Variants in AGAP1 observed in about 807,000 individuals in gnomAD.
AGAP1 encodes the protein arf-GAP with GTPase, ANK repeat and PH domain-containing protein 1.
Under a neutral mutation model 105.3 loss-of-function variants are expected in AGAP1, and 29 were observed. The ratio of observed to expected loss-of-function variants is 0.28; its 90% CI spans 0.21 to 0.38. The LOEUF (loss-of-function observed/expected upper bound fraction) is 0.38, where lower values mean the gene tolerates loss of function less well. Among genes scored for constraint, AGAP1 ranks in the 10% least tolerant of loss-of-function variants. The pLI is 1.00. For missense variants in AGAP1, 998 were observed against 1,165.1 expected (o/e 0.86, Z 2.09); for synonymous variants, 509 against 485.9 (o/e 1.05, Z -0.63).
Position 235,599,043 on chromosome 2 carries a change from C to T in AGAP1, c.163+104194C>T, listed in dbSNP as rs1452867551. ...GTACACAGATGAGCTCACTGCTGTC[C>T]TCGGAGCAGGTAGGAATGTATTTAT... On this transcript the variant is annotated intron_variant, in intron 1 of 17. Transcript: ENST00000304032. The surrounding 1 kb of genome is among the most constrained non-coding windows in gnomAD (Gnocchi z 5.3). Among the ~76,000 whole-genome samples, 1 of 152,108 alleles carries T rather than the reference C, an allele frequency of 6.6e-6. No homozygotes were observed. The highest frequency in any genetic ancestry group is 6.6e-5 in the Admixed American group (1 of 15,264).
At chr2:236,098,611 CTT>C (rs1415524916) in intron 16 of AGAP1, among the ~76,000 whole-genome samples, 1 of 80,680 alleles carries the variant, frequency 1.2e-5, no homozygotes, top group African/African-American at 6.8e-5. Context: ...TTGATGAAAT[CTT>C]TTTTTCCTTT....
intron 1 of AGAP1, among the ~76,000 whole-genome samples, chr2:235,546,544 C>G (rs897505086): frequency 2.6e-5 from 4 of 152,060 alleles, no homozygotes; most frequent in African/African-American, 9.7e-5. Flanking sequence ...AGGCTGTGGC[C>G]CTTCCAAGGT....
At chr2:235,634,931 A>G (rs1490933434) in intron 1 of AGAP1, among the ~76,000 whole-genome samples, 1 of 152,068 alleles carries the variant, frequency 6.6e-6, no homozygotes, top group African/African-American at 2.4e-5. Context: ...TGGAGCAGAC[A>G]GTGCCTGGTC....
chr2:235,634,653 C>T (rs72988940), intron 1 of AGAP1, among the ~76,000 whole-genome samples: 48,029 of 152,028 alleles, frequency 0.32, 7,728 homozygotes, highest in South Asian at 0.48. Flanking sequence ...TAAGTTCTTC[C>T]TCCACATTCC....
rs770330488 is a variant in AGAP1, at chr2:235,960,642, C to T, written c.1484-7820C>T. ...TCAGGTAGCAGGGCCCAAGAAAAATCGTCTTTTATGGAAGGCATCAAGCAA... is the reference window on the plus strand; with the variant it reads ...TCAGGTAGCAGGGCCCAAGAAAAATTGTCTTTTATGGAAGGCATCAAGCAA... On this transcript the variant is annotated intron_variant, in intron 12 of 17. Coordinates refer to ENST00000304032, the MANE Select transcript of AGAP1 (RefSeq NM_001037131.3). This position sits in a 1 kb window ranked among gnomAD's most constrained non-coding sequence, Gnocchi z 4.9. 2.6e-5 allele frequency among the ~76,000 whole-genome samples: 4 copies of T among 152,312 alleles called. No individual in the cohort carries two copies. The highest frequency in any genetic ancestry group is 4.4e-5 in the Non-Finnish European group (3 of 68,020).
rs1196531321 is a variant in AGAP1, at chr2:235,963,961, G to A, written c.1484-4501G>A. Among the ~76,000 whole-genome samples, 6 of 152,062 alleles carry A rather than the reference G, an allele frequency of 3.9e-5. No individual in the cohort carries two copies. Among genetic ancestry groups the A allele is most frequent in the Admixed American group, 1.3e-4 (2 of 15,268 alleles). On this transcript the variant is annotated intron_variant, in intron 12 of 17. Transcript: ENST00000304032. The surrounding 1 kb of genome is among the most constrained non-coding windows in gnomAD (Gnocchi z 5.1). ...GCGGTGTACACTCATAAAAACAACC[G>A]CTGGATAACGGAAGAGAGTTTATGA... is the stretch of plus-strand genomic sequence containing the variant.
chr2:236,069,925 ACAT>A (rs2058453548), intron 16 of AGAP1, among the ~76,000 whole-genome samples: 1 of 152,246 alleles, frequency 6.6e-6, no homozygotes, highest in African/African-American at 2.4e-5. Context: ...GCTATCTATG[ACAT>A]CAGAGCCGTA....
At chr2:236,097,561 T>A (rs891706951) in intron 16 of AGAP1, among the ~76,000 whole-genome samples, 3 of 151,692 alleles carry the variant, frequency 2.0e-5, no homozygotes, top group Non-Finnish European at 4.4e-5. Flanking sequence ...CCCAGCTAAG[T>A]TTTTGTATTT....
At position 235,612,918 on chromosome 2, in the gene AGAP1, C is replaced by CT. The variant is rs1320709775; in HGVS notation, c.164-96260dup. On this transcript the variant is annotated intron_variant, in intron 1 of 17. Coordinates refer to ENST00000304032, the MANE Select transcript of AGAP1 (RefSeq NM_001037131.3). This position sits in a 1 kb window ranked among gnomAD's most constrained non-coding sequence, Gnocchi z 4.3. ...TTTATCTCTCCAATGTGAGGCATCT[C>CT]TGATGATGCCTAAGGATGTCCTTCT... Among the ~76,000 whole-genome samples, 2 of 152,154 alleles carry CT rather than the reference C, an allele frequency of 1.3e-5. No individual in the cohort carries two copies. Among genetic ancestry groups the CT allele is most frequent in the Non-Finnish European group, 2.9e-5 (2 of 68,024 alleles).
chr2:236,024,652 A>G (rs1019127954), intron 13 of AGAP1, among the ~76,000 whole-genome samples: 2 of 152,224 alleles, frequency 1.3e-5, no homozygotes, highest in African/African-American at 2.4e-5. Context: ...CTTTAAGAAA[A>G]AAAAAGTTTG....
At chr2:235,827,854 C>T (rs1959156860) in intron 9 of AGAP1, among the ~76,000 whole-genome samples, 1 of 152,186 alleles carries the variant, frequency 6.6e-6, no homozygotes, top group African/African-American at 2.4e-5. Flanking sequence ...ATGCTTTGCG[C>T]CTGCTGGGAT....
At position 235,811,376 on chromosome 2, in the gene AGAP1, C is replaced by T. The variant is rs6734325; in HGVS notation, c.1050+4045C>T. On this transcript the variant is annotated intron_variant, in intron 9 of 17. Transcript: ENST00000304032. ...GAAAATCATGCTCAGTTTATCTCATCGTGCTTACGCAATTGAAAGCGTATC... is the reference window on the plus strand; with the variant it reads ...GAAAATCATGCTCAGTTTATCTCATTGTGCTTACGCAATTGAAAGCGTATC... Among the ~76,000 whole-genome samples the T allele has an allele frequency of 5.4e-3, 823 of 152,354 alleles. 8 individuals are homozygous for T. Among genetic ancestry groups the T allele is most frequent in the African/African-American group, 0.019 (772 of 41,582 alleles).
At chr2:236,086,103 T>C (rs2058921810) in intron 16 of AGAP1, among the ~76,000 whole-genome samples, 1 of 152,234 alleles carries the variant, frequency 6.6e-6, no homozygotes, top group Admixed American at 6.5e-5. Context: ...TCCTCCTGCT[T>C]AGAGATACCA....
chr2:235,860,740 G>C (rs1244152091), intron 9 of AGAP1, among the ~76,000 whole-genome samples: 1 of 152,186 alleles, frequency 6.6e-6, no homozygotes, highest in African/African-American at 2.4e-5. Context: ...GGAAGATTCT[G>C]CTATTCAGCC....
rs1943500255 is a variant in AGAP1, at chr2:235,543,090, C to T, written c.163+48241C>T. 3.4e-5 allele frequency among the ~76,000 whole-genome samples: 3 copies of T among 88,016 alleles called. No homozygotes were observed. In the South Asian group the frequency reaches 1.1e-3, roughly 32 times the overall value. The allele number at this position is 88,016 out of a possible 152,430, so 57.7% of individuals were successfully genotyped here. A position where few individuals can be genotyped will look rare whatever the true frequency, so the allele number is the denominator to read the frequency against. On this transcript the variant is annotated intron_variant, in intron 1 of 17. Coordinates refer to ENST00000304032, the MANE Select transcript of AGAP1 (RefSeq NM_001037131.3). The stretch of plus-strand genomic sequence containing the variant: ...TATTGTGCGACCCTGCTCCCGCCTC[C>T]TCCCCCTCCCCCCCCCCCGCCCCCT...
intron 9 of AGAP1, among the ~76,000 whole-genome samples, chr2:235,854,462 T>C (rs560409828): frequency 2.0e-5 from 3 of 152,362 alleles, no homozygotes; most frequent in Admixed American, 6.5e-5. Context: ...ACCTCCCTGC[T>C]GGCTATTTGC....
intron 1 of AGAP1, among the ~76,000 whole-genome samples, chr2:235,627,199 T>G (rs956295376): frequency 5.5e-5 from 8 of 145,734 alleles, no homozygotes; most frequent in African/African-American, 1.3e-4. Context: ...GAGGTTTTTT[T>G]TTTTTTTTTT....
intron 1 of AGAP1, among the ~76,000 whole-genome samples, chr2:235,570,853 C>T (rs1559256455): frequency 6.6e-6 from 1 of 152,170 alleles, no homozygotes; most frequent in Non-Finnish European, 1.5e-5. Flanking sequence ...TACTGCTGCT[C>T]GAGGAATCTC....
intron 1 of AGAP1, among the ~76,000 whole-genome samples, chr2:235,686,614 G>GATATATATAT (rs1380519556): frequency 2.6e-5 from 1 of 37,928 alleles, no homozygotes; most frequent in African/African-American, 1.2e-4. Flanking sequence ...TATACGTGGA[G>GATATATATAT]ATATAGATAT....
Sources: gnomAD v4.1 joint callset for allele counts (sites outside exome capture counted in the v4.1 genomes callset) on GRCh38, gnomAD v4.1.1 for gene constraint, Gnocchi (gnomAD v3.1) non-coding constraint, MANE v1.5 for transcripts, NCBI Gene and HGNC (gene_info 2026-07-23, HGNC 2026-07-21) for gene names.